The following COBLL1 variants were observed in gnomAD, a reference collection of about 807,000 sequenced individuals.
COBLL1 encodes cordon-bleu protein-like 1.
A neutral mutation model predicts 94.8 loss-of-function variants in COBLL1; 50 were observed. That is an observed-to-expected ratio of 0.53 (90% CI 0.42 to 0.67). The LOEUF (loss-of-function observed/expected upper bound fraction) is 0.67. COBLL1 is among the 30% of genes least tolerant of loss of function. The pLI is 0.00. For missense variants in COBLL1, 1,362 were observed against 1,348.7 expected, an observed-to-expected ratio of 1.01 and a Z score of -0.15; for synonymous variants, 448 against 473.8, an observed-to-expected ratio of 0.95 and a Z score of 0.71.
intron 2 of COBLL1, among the ~76,000 whole-genome samples, chr2:164,658,880 C>T (rs572266422): frequency 3.3e-5 from 5 of 152,244 alleles, no homozygotes; most frequent in Admixed American, 3.3e-4. Context: ...CTATAAGCAT[C>T]TCTAATGGAG....
intron 2 of COBLL1, among the ~76,000 whole-genome samples, chr2:164,800,973 G>A (rs1683746312): frequency 6.6e-6 from 1 of 152,088 alleles, no homozygotes; most frequent in Non-Finnish European, 1.5e-5. Flanking sequence ...TGATAGTGGT[G>A]GGAATTTTGT....
intron 3 of COBLL1, among the ~76,000 whole-genome samples, chr2:164,730,632 C>T (rs1044110579): frequency 6.6e-6 from 1 of 152,134 alleles, no homozygotes; most frequent in Non-Finnish European, 1.5e-5. Context: ...AGCATAGATC[C>T]TAGTGTCAGT....
intron 7 of COBLL1, among the ~76,000 whole-genome samples, chr2:164,712,800 C>T (rs1406521798): frequency 6.6e-6 from 1 of 151,944 alleles, no homozygotes; most frequent in Non-Finnish European, 1.5e-5. Flanking sequence ...ATAAAATTAG[C>T]TCAATCTCAC....
intron 10 of COBLL1, 67 bp from the exon 11 acceptor site, chr2:164,699,566 G>GACAC (rs372370676): frequency 2.5e-6 from 2 of 795,534 alleles, no homozygotes; most frequent in Admixed American, 1.8e-5. Flanking sequence ...CACACACACA[G>GACAC]ACACACACAC....
chr2:164,786,649 G>A lies in COBLL1; in HGVS notation c.42-42774C>T, dbSNP rs182014410. Among the ~76,000 whole-genome samples the A allele has an allele frequency of 1.3e-3, 196 of 152,212 alleles. 2 individuals carry two copies. The highest frequency in any genetic ancestry group is 2.4e-3 in the Non-Finnish European group (163 of 68,002). ...CACAGCATAAAGAACCCGTATGCAGGATTTTCATCTCGCAGCCCTGTCTCC... is the reference window on the plus strand; with the variant it reads ...CACAGCATAAAGAACCCGTATGCAGAATTTTCATCTCGCAGCCCTGTCTCC... On this transcript the variant is annotated intron_variant, in intron 2 of 13. Transcript: ENST00000652658.
chr2:164,693,944 TA>T (rs2105426677), intron 12 of COBLL1, among the ~76,000 whole-genome samples: 1 of 152,156 alleles, frequency 6.6e-6, no homozygotes, highest in African/African-American at 2.4e-5. Flanking sequence ...TTAGACAAGT[TA>T]AAAACAAATT....
At chr2:164,775,619 G>C (rs1209338172) in intron 2 of COBLL1, among the ~76,000 whole-genome samples, 5 of 151,862 alleles carry the variant, frequency 3.3e-5, no homozygotes, top group African/African-American at 1.2e-4. Flanking sequence ...TGTGCCACCA[G>C]GCCCAGCTAA....
At chr2:164,710,820 C>T (rs1478025349) in intron 7 of COBLL1, among the ~76,000 whole-genome samples, 1 of 151,950 alleles carries the variant, frequency 6.6e-6, no homozygotes, top group Non-Finnish European at 1.5e-5. Flanking sequence ...GCCTCGGCCT[C>T]CCAAAGTGCT....
intron 2 of COBLL1, among the ~76,000 whole-genome samples, chr2:164,663,838 T>C (rs1691107440): frequency 1.3e-5 from 2 of 152,138 alleles, no homozygotes; most frequent in Non-Finnish European, 2.9e-5. Flanking sequence ...AACTTCCTAT[T>C]GGGTACTATG....
At chr2:164,660,773 C>T (rs1229178494) in intron 2 of COBLL1, among the ~76,000 whole-genome samples, 1 of 152,138 alleles carries the variant, frequency 6.6e-6, no homozygotes, top group Non-Finnish European at 1.5e-5. Flanking sequence ...TCCATTTTAA[C>T]TAAATTACAT....
rs80331258 is a variant in COBLL1 at position 164,760,383 on chromosome 2, T to A, written c.42-16508A>T. On this transcript the variant is annotated intron_variant, in intron 2 of 13. Coordinates refer to ENST00000652658, the MANE Select transcript of COBLL1 (RefSeq NM_001365672.2). Reference sequence around the variant, plus strand: ...GAAAACAGATCAATGGCAGCCAAATTTGGAGGCATGATGAGACTATTAAGG... The same window carrying A: ...GAAAACAGATCAATGGCAGCCAAATATGGAGGCATGATGAGACTATTAAGG... Among the ~76,000 whole-genome samples the A allele has an allele frequency of 5.2e-3, 792 of 152,200 alleles. 12 individuals carry two copies. The highest frequency in any genetic ancestry group is 0.018 in the African/African-American group (731 of 41,510).
chr2:164,728,838 A>G lies in COBLL1; in HGVS notation c.433-641T>C, dbSNP rs375008561. 2.0e-5 allele frequency among the ~76,000 whole-genome samples: 3 copies of G among 152,158 alleles called. No individual in the cohort carries two copies. The East Asian group carries it at 5.8e-4, about 29-fold the overall frequency. ...TCTCTTCATTAAATATCTAGTACTA[A>G]TAATTTAAAATTACTACAAAGATTT... On this transcript the variant is annotated intron_variant, in intron 4 of 13. Coordinates refer to ENST00000652658, the MANE Select transcript of COBLL1 (RefSeq NM_001365672.2).
downstream of COBLL1, among the ~76,000 whole-genome samples, chr2:164,676,009 T>C (rs559719970): frequency 1.8e-3 from 273 of 152,240 alleles, 2 homozygotes; most frequent in African/African-American, 6.3e-3. Context: ...GAAAGAAACC[T>C]GAAAAATAAT....
At chr2:164,662,890 T>C (rs1437790534) in intron 2 of COBLL1, among the ~76,000 whole-genome samples, 2 of 152,200 alleles carry the variant, frequency 1.3e-5, no homozygotes. Flanking sequence ...GGCACCATGC[T>C]TGTACAGCCT....
downstream of COBLL1, among the ~76,000 whole-genome samples, chr2:164,676,609 C>T (rs951701334): frequency 1.3e-5 from 2 of 152,012 alleles, no homozygotes; most frequent in South Asian, 4.1e-4. Context: ...CTCTTGGCCT[C>T]ATATTTCAGT....
chr2:164,697,051 C>A (rs978108944), intron 11 of COBLL1: 8 of 151,982 alleles, frequency 5.3e-5, no homozygotes, highest in Non-Finnish European at 1.0e-4. Flanking sequence ...TATATAGTTT[C>A]TCTCTTAAAA....
intron 7 of COBLL1, among the ~76,000 whole-genome samples, chr2:164,713,250 G>A (rs1220906459): frequency 6.6e-6 from 1 of 152,014 alleles, no homozygotes; most frequent in Non-Finnish European, 1.5e-5. Flanking sequence ...TGTAGATTAA[G>A]AAAAGTCATA....
chr2:164,743,690 C>T lies in COBLL1; in HGVS notation c.227G>A (p.Gly76Asp). Residue 76 changes from glycine (G) to aspartate (D), a missense_variant, in exon 3 of 14, where the codon GGC (glycine) becomes GAC (aspartate). Coordinates refer to ENST00000652658, the MANE Select transcript of COBLL1 (RefSeq NM_001365672.2). ...GDIIKSTTVH[G>D]SKPMMDLLIF... ...TATTTCATTTACTCCAGCGTACCTGCCATGAACAGTAGTAGATTTGATAAT... is the reference window on the plus strand; with the variant it reads ...TATTTCATTTACTCCAGCGTACCTGTCATGAACAGTAGTAGATTTGATAAT... 1.2e-6 allele frequency: 2 copies of T among 1,611,802 alleles called. No homozygotes were observed. The highest frequency in any genetic ancestry group is 1.7e-6 in the Non-Finnish European group (2 of 1,178,194).
intron 2 of COBLL1, among the ~76,000 whole-genome samples, chr2:164,665,147 A>G (rs1282407199): frequency 6.6e-6 from 1 of 152,192 alleles, no homozygotes; most frequent in Non-Finnish European, 1.5e-5. Context: ...CCTGGCCAAC[A>G]TGGCAAAACG....
Sources: gnomAD v4.1 joint callset for allele counts (sites outside exome capture counted in the v4.1 genomes callset) on GRCh38, gnomAD v4.1.1 for gene constraint, MANE v1.5 for transcripts, NCBI Gene and HGNC (gene_info 2026-07-23, HGNC 2026-07-21) for gene names.